Variants in TMCO5A observed in about 807,000 individuals in gnomAD.
The protein encoded by TMCO5A is transmembrane and coiled-coil domain-containing protein 5A.
A neutral mutation model predicts 42.3 loss-of-function variants in TMCO5A; 34 were observed. The observed-to-expected ratio is 0.80, with a 90% CI of 0.61 to 1.07. TMCO5A has a LOEUF of 1.07. TMCO5A is among the 50% of genes least tolerant of loss of function. TMCO5A has a pLI of 0.00. For synonymous variants in TMCO5A, 131 were observed against 115.6 expected, an observed-to-expected ratio of 1.13 and a Z score of -0.86; for missense variants, 357 against 327.9, an observed-to-expected ratio of 1.09 and a Z score of -0.69.
the TMCO5A span, among the ~76,000 whole-genome samples, chr15:38,037,655 G>GCCACATCACCACACAATGTC: frequency 1.3e-5 from 2 of 152,136 alleles, no homozygotes; most frequent in Non-Finnish European, 2.9e-5. Flanking sequence ...GAGAAGTAGG[G>GCCACATCACCACACAATGTC]CCACATCACC....
downstream of TMCO5A, among the ~76,000 whole-genome samples, chr15:37,972,499 T>A (rs1051685929): frequency 6.6e-6 from 1 of 152,252 alleles, no homozygotes; most frequent in Non-Finnish European, 1.5e-5. Flanking sequence ...AGATGTTATC[T>A]CCTTGTGGTT....
At chr15:38,022,384 G>C in the TMCO5A span, among the ~76,000 whole-genome samples, 5 of 152,134 alleles carry the variant, frequency 3.3e-5, no homozygotes, top group African/African-American at 7.2e-5. Context: ...TAAGTGAAAG[G>C]AGCCAATTTG....
chr15:38,019,361 A>C, the TMCO5A span, among the ~76,000 whole-genome samples: 1 of 152,216 alleles, frequency 6.6e-6, no homozygotes, highest in Admixed American at 6.5e-5. Context: ...AGCTAACTAG[A>C]ATATTTATTT....
chr15:37,938,121 C>A, intron 5 of TMCO5A, 37 bp from the exon 6 acceptor site: 3 of 1,521,318 alleles, frequency 2.0e-6, no homozygotes, highest in Non-Finnish European at 2.7e-6. Context: ...GCCTTCTACA[C>A]CTTTTAATTT....
the TMCO5A span, among the ~76,000 whole-genome samples, chr15:38,009,035 C>T: frequency 6.6e-6 from 1 of 152,102 alleles, no homozygotes; most frequent in African/African-American, 2.4e-5. Flanking sequence ...TAAATCTAAA[C>T]AAGACTGAAG....
the TMCO5A span, among the ~76,000 whole-genome samples, chr15:37,986,602 A>G: frequency 1.3e-5 from 2 of 151,974 alleles, no homozygotes; most frequent in African/African-American, 4.8e-5. Flanking sequence ...CCATTAAACA[A>G]TATCTCCCCA....
intron 11 of TMCO5A, 132 bp from the exon 12 acceptor site, chr15:37,950,904 G>A (rs1406878893): frequency 2.8e-6 from 2 of 717,756 alleles, no homozygotes; most frequent in Non-Finnish European, 4.7e-6. Flanking sequence ...CATTATAAAA[G>A]GTTGTCAGGA....
At chr15:37,999,185 C>T in the TMCO5A span, among the ~76,000 whole-genome samples, 7 of 152,178 alleles carry the variant, frequency 4.6e-5, no homozygotes, top group East Asian at 3.9e-4. Context: ...GGATTACAGG[C>T]GTGAGCCACC....
chr15:37,936,582 A>T (rs1440013020), intron 3 of TMCO5A, 119 bp downstream of exon 3: 2 of 1,306,708 alleles, frequency 1.5e-6, no homozygotes, highest in East Asian at 4.7e-5. Context: ...CAAAAAGTTA[A>T]TTTTTCATTC....
the TMCO5A span, among the ~76,000 whole-genome samples, chr15:38,007,798 G>C: frequency 6.6e-6 from 1 of 151,010 alleles, no homozygotes; most frequent in Admixed American, 6.6e-5. Flanking sequence ...AGGGTGGGGA[G>C]GCCTAGGCAT....
At chr15:37,959,966 C>A (rs185995212) in intron 11 of TMCO5A, among the ~76,000 whole-genome samples, 1 of 151,780 alleles carries the variant, frequency 6.6e-6, no homozygotes, top group African/African-American at 2.4e-5. Context: ...AACTGATGAA[C>A]AAATTCAGTA....
At chr15:38,000,514 T>C in the TMCO5A span, among the ~76,000 whole-genome samples, 2 of 152,096 alleles carry the variant, frequency 1.3e-5, no homozygotes, top group African/African-American at 2.4e-5. Context: ...ATTTCATTCA[T>C]TTCTGTTAAG....
At chr15:37,957,678 C>T (rs8039065) in intron 11 of TMCO5A, among the ~76,000 whole-genome samples, 2,438 of 152,194 alleles carry the variant, frequency 0.016, 75 homozygotes, top group African/African-American at 0.055. Context: ...AAGTAATTTA[C>T]AGATTCAGTG....
the TMCO5A span, among the ~76,000 whole-genome samples, chr15:38,000,796 G>C: frequency 1.3e-5 from 2 of 151,980 alleles, no homozygotes; most frequent in Non-Finnish European, 2.9e-5. Flanking sequence ...CTGTTTACCA[G>C]TGTTTGTACA....
chr15:38,030,058 A>G, the TMCO5A span, among the ~76,000 whole-genome samples: 1 of 152,176 alleles, frequency 6.6e-6, no homozygotes, highest in Admixed American at 6.6e-5. Context: ...GGAAATGTTT[A>G]ATTTCCTGTT....
chr15:37,975,694 T>G, the TMCO5A span, among the ~76,000 whole-genome samples: 6 of 151,166 alleles, frequency 4.0e-5, no homozygotes, highest in Non-Finnish European at 8.8e-5. Context: ...TTATTCAGCT[T>G]GACATTCTTT....
chr15:38,009,409 TTGTCTAGGATTCATTA>T, the TMCO5A span, among the ~76,000 whole-genome samples: 7 of 152,314 alleles, frequency 4.6e-5, no homozygotes, highest in African/African-American at 1.7e-4. Flanking sequence ...TGTGATGTGC[TTGTCTAGGATTCATTA>T]TGTGAGAAAT....
the TMCO5A span, among the ~76,000 whole-genome samples, chr15:37,981,833 A>C: frequency 6.6e-6 from 1 of 152,196 alleles, no homozygotes; most frequent in African/African-American, 2.4e-5. Flanking sequence ...CTCCTGATGA[A>C]TATTTACAGA....
At chr15:37,985,171 T>G in the TMCO5A span, among the ~76,000 whole-genome samples, 1 of 152,106 alleles carries the variant, frequency 6.6e-6, no homozygotes, top group Admixed American at 6.5e-5. Flanking sequence ...TTCAACAGTG[T>G]TGTCTTCTTT....
Sources: allele counts gnomAD v4.1 joint callset (sites outside exome capture counted in the v4.1 genomes callset), GRCh38; gene constraint gnomAD v4.1.1; transcripts MANE v1.5; gene names NCBI Gene and HGNC (gene_info 2026-07-23, HGNC 2026-07-21).